The following ITGA4 variants were observed in gnomAD, a reference collection of about 807,000 sequenced individuals.
The protein encoded by ITGA4 is integrin alpha-4.
A neutral mutation model predicts 133.6 loss-of-function variants in ITGA4; 63 were observed. The ratio of observed to expected loss-of-function variants is 0.47; its 90% CI spans 0.38 to 0.58. The LOEUF (loss-of-function observed/expected upper bound fraction) is 0.58, where lower values mean the gene tolerates loss of function less well. Among genes scored for constraint, ITGA4 ranks in the 20% least tolerant of loss-of-function variants. The pLI, the probability that ITGA4 is intolerant of heterozygous loss-of-function variation, is 0.00. For synonymous variants in ITGA4, 483 were observed against 438.0 expected (o/e 1.10, Z -1.28); for missense variants, 1,076 against 1,252.7 (o/e 0.86, Z 2.13).
chr2:181,474,000 A>G (rs1685617074), intron 2 of ITGA4, among the ~76,000 whole-genome samples: 1 of 152,182 alleles, frequency 6.6e-6, no homozygotes, highest in South Asian at 2.1e-4. Flanking sequence ...TTATCCAATC[A>G]AATTGATGCT....
intron 10 of ITGA4, chr2:181,486,263 T>C (rs1376028167): frequency 3.1e-6 from 1 of 324,076 alleles, no homozygotes; most frequent in Non-Finnish European, 5.5e-6. Context: ...ATTATTTATG[T>C]GTCCCTAAAA....
At position 181,537,982 on chromosome 2, in the gene ITGA4, G is replaced by A. The variant is rs1428977352; in HGVS notation, c.*2455G>A. On this transcript the variant is annotated 3_prime_UTR_variant, in exon 28 of 28. Transcript: ENST00000397033. The stretch of plus-strand genomic sequence containing the variant: ...GGTGAACTGGTATGTGAGGGATCTA[G>A]AGTGCCATGTTCCTCAAGAGAATCT... The A allele has an allele frequency of 6.0e-6, 4 of 668,528 alleles. No homozygotes were observed. Among genetic ancestry groups the A allele is most frequent in the Non-Finnish European group, 1.1e-5 (4 of 357,302 alleles). The allele number at this position is 668,528 out of a possible 1,614,324, so 41.4% of individuals were successfully genotyped here. A position where few individuals can be genotyped will look rare whatever the true frequency, so the allele number is the denominator to read the frequency against.
At position 181,495,972 on chromosome 2, in the gene ITGA4, G is replaced by C; in HGVS notation, c.1540+35G>C. ...CCCTACAATATTAATGCTTGATGGG[G>C]TGCGGTTCATTCATTAATCCCACAA... On this transcript the variant is annotated intron_variant, in intron 14 of 27. Transcript: ENST00000397033. The surrounding 1 kb of genome is among the most constrained non-coding windows in gnomAD (Gnocchi z 4.3). 6.3e-7 allele frequency: 1 copy of C among 1,599,184 alleles called. No homozygotes were observed. Among genetic ancestry groups the C allele is most frequent in the Non-Finnish European group, 8.5e-7 (1 of 1,170,370 alleles).
chr2:181,466,004 A>G (rs1685402739), intron 2 of ITGA4, among the ~76,000 whole-genome samples: 1 of 152,200 alleles, frequency 6.6e-6, no homozygotes, highest in Non-Finnish European at 1.5e-5. Context: ...ATTAGTAATT[A>G]GAGACTAACT....
At chr2:181,465,640 TCTTTC>T (rs1200543076) in intron 2 of ITGA4, among the ~76,000 whole-genome samples, 1 of 152,212 alleles carries the variant, frequency 6.6e-6, no homozygotes, top group African/African-American at 2.4e-5. Flanking sequence ...TTCAGAATTT[TCTTTC>T]CTTATTTTCT....
intron 15 of ITGA4, among the ~76,000 whole-genome samples, chr2:181,501,493 C>A (rs562958454): frequency 2.0e-5 from 3 of 152,130 alleles, no homozygotes; most frequent in African/African-American, 2.4e-5. Context: ...AACACTCTAG[C>A]TGCTGTGTTG....
chr2:181,497,741 C>A (rs1043902556), intron 14 of ITGA4, among the ~76,000 whole-genome samples: 4 of 152,080 alleles, frequency 2.6e-5, no homozygotes, highest in African/African-American at 9.7e-5. Context: ...ATTATTGCCT[C>A]TATGTAGTGA....
intron 10 of ITGA4, among the ~76,000 whole-genome samples, chr2:181,492,683 TA>T (rs575495347): frequency 6.4e-4 from 97 of 152,308 alleles, no homozygotes; most frequent in African/African-American, 2.1e-3. Flanking sequence ...TAATTATCAA[TA>T]ATACAGAAAG....
intron 20 of ITGA4, among the ~76,000 whole-genome samples, chr2:181,524,959 T>TAAAA (rs34230117): frequency 9.4e-4 from 138 of 146,428 alleles, no homozygotes; most frequent in East Asian, 5.1e-3. Context: ...AACTATTTGT[T>TAAAA]AAAAAAAAAA....
At chr2:181,485,317 T>C (rs1269634459) in intron 9 of ITGA4, among the ~76,000 whole-genome samples, 3 of 152,238 alleles carry the variant, frequency 2.0e-5, no homozygotes, top group Admixed American at 1.3e-4. Flanking sequence ...TGCTGCTAGT[T>C]TTCTCTGTAT....
intron 17 of ITGA4, among the ~76,000 whole-genome samples, chr2:181,515,902 C>T (rs139790318): frequency 0.011 from 1,726 of 152,122 alleles, 10 homozygotes; most frequent in Non-Finnish European, 0.019. Context: ...GAGCTATAAA[C>T]CTGTTTTAGG....
chr2:181,529,971 T>A (rs115788168), intron 23 of ITGA4, among the ~76,000 whole-genome samples: 2,365 of 152,314 alleles, frequency 0.016, 70 homozygotes, highest in African/African-American at 0.055. Flanking sequence ...ATTAGTAGAA[T>A]TCTTCATAAA....
Position 181,522,286 on chromosome 2 carries a change from C to A in ITGA4, c.2018C>A (p.Thr673Lys). ...AATGCTGGAGATGATGCATATGAAA[C>A]GACTCTACATGTCAAACTACCCGTG... ...LFNAGDDAYETTLHVKLPVGL... is the reference protein window; with the variant it reads ...LFNAGDDAYEKTLHVKLPVGL... The change falls in exon 18 of 28, where the codon ACG becomes AAG. Residue 673 changes from threonine to lysine, a missense_variant. This residue lies in a region of ITGA4 where 365 missense variants were observed against 421.4 expected (regional missense o/e 0.87). Coordinates refer to ENST00000397033, the MANE Select transcript of ITGA4 (RefSeq NM_000885.6). 1.2e-6 allele frequency: 2 copies of A among 1,608,840 alleles called. No homozygotes were observed. The highest frequency in any genetic ancestry group is 1.7e-6 in the Non-Finnish European group (2 of 1,176,380).
rs367965457 is a variant in ITGA4, at chr2:181,474,956, A to G, written c.320-4A>G. On this transcript the variant is annotated splice_polypyrimidine_tract_variant and splice_region_variant and intron_variant, in intron 2 of 27. Coordinates refer to ENST00000397033, the MANE Select transcript of ITGA4 (RefSeq NM_000885.6). ...ACTGATAAAATTATTTTCACATGCT[A>G]TAGGTAGCCCTAATGGAGAACCTTG... 8 of 1,604,634 alleles carry G rather than the reference A, an allele frequency of 5.0e-6. No individual in the cohort carries two copies. The East Asian group carries it at 1.1e-4, about 22-fold the overall frequency.
intron 2 of ITGA4, among the ~76,000 whole-genome samples, chr2:181,472,882 T>C (rs1685588228): frequency 6.6e-6 from 1 of 152,144 alleles, no homozygotes; most frequent in Non-Finnish European, 1.5e-5. Flanking sequence ...ACCTTATGTG[T>C]CCACCTGGAC....
chr2:181,462,894 T>G (rs932435997), intron 2 of ITGA4, among the ~76,000 whole-genome samples: 3 of 152,184 alleles, frequency 2.0e-5, no homozygotes, highest in African/African-American at 7.2e-5. Flanking sequence ...GGGTAATTTA[T>G]CCATTCAGTT....
chr2:181,511,623 G>A, intron 16 of ITGA4, 76 bp from the exon 17 acceptor site: 1 of 744,910 alleles, frequency 1.3e-6, no homozygotes, highest in Non-Finnish European at 2.3e-6. Context: ...CATCACAGGT[G>A]TCGTCATCTT....
chr2:181,531,615 A>G (rs774789580), intron 24 of ITGA4, 42 bp from the exon 25 acceptor site: 8 of 1,211,622 alleles, frequency 6.6e-6, no homozygotes, highest in Non-Finnish European at 8.0e-6. Flanking sequence ...ATATTTTCCA[A>G]TGTTGAAAAT....
At chr2:181,525,368 C>G in intron 21 of ITGA4, 77 bp downstream of exon 21, 1 of 743,536 alleles carries the variant, frequency 1.3e-6, no homozygotes, top group Non-Finnish European at 2.3e-6. Flanking sequence ...AATGAAAAAA[C>G]TGTATTCTAG....
Sources: allele counts gnomAD v4.1 joint callset (sites outside exome capture counted in the v4.1 genomes callset), GRCh38; gene constraint gnomAD v4.1.1; regional missense constraint gnomAD v4.1.1; non-coding constraint Gnocchi (gnomAD v3.1); transcripts MANE v1.5; gene names NCBI Gene and HGNC (gene_info 2026-07-23, HGNC 2026-07-21).